The following CPED1 variants were observed in gnomAD, a reference collection of about 807,000 sequenced individuals.
CPED1 encodes the protein cadherin like and PC-esterase domain containing 1.
Under a neutral mutation model 128.2 loss-of-function variants are expected in CPED1, and 114 were observed. The ratio of observed to expected loss-of-function variants is 0.89; its 90% CI spans 0.76 to 1.04. CPED1 has a LOEUF of 1.04. CPED1 is among the 50% of genes least tolerant of loss of function. CPED1 has a pLI of 0.00. For synonymous variants in CPED1, 462 were observed against 426.7 expected (o/e 1.08, Z -1.02); for missense variants, 1,211 against 1,207.1 (o/e 1.00, Z -0.05).
At chr7:121,235,128 C>G (rs1798222665) in intron 16 of CPED1, among the ~76,000 whole-genome samples, 1 of 152,136 alleles carries the variant, frequency 6.6e-6, no homozygotes, top group Non-Finnish European at 1.5e-5. Flanking sequence ...AATCATGACA[C>G]TTTTTTCTGG....
intron 22 of CPED1, among the ~76,000 whole-genome samples, chr7:121,273,979 G>T (rs1218229059): frequency 6.6e-6 from 1 of 152,122 alleles, no homozygotes; most frequent in Non-Finnish European, 1.5e-5. Flanking sequence ...GCTTTTGAAA[G>T]ACAACATAGA....
chr7:121,085,086 T>C (rs760065836), intron 5 of CPED1, among the ~76,000 whole-genome samples: 15 of 152,154 alleles, frequency 9.9e-5, no homozygotes, highest in African/African-American at 1.7e-4. Flanking sequence ...CACCGTTTAC[T>C]CCACTTCTGC....
intron 4 of CPED1, among the ~76,000 whole-genome samples, chr7:121,057,485 G>A (rs1194087876): frequency 6.6e-6 from 1 of 152,090 alleles, no homozygotes; most frequent in African/African-American, 2.4e-5. Flanking sequence ...TTATGTCCAT[G>A]AGTACCCAGT....
intron 4 of CPED1, among the ~76,000 whole-genome samples, chr7:121,047,692 T>TCCTCC (rs1793242303): frequency 9.7e-6 from 1 of 102,902 alleles, no homozygotes; most frequent in African/African-American, 5.0e-5. Flanking sequence ...CTTCTTCTTC[T>TCCTCC]TCTTCTTCTT....
chr7:121,139,064 T>G (rs1290735473), intron 14 of CPED1, among the ~76,000 whole-genome samples: 1 of 152,078 alleles, frequency 6.6e-6, no homozygotes, highest in Non-Finnish European at 1.5e-5. Context: ...ATTTCTGCCT[T>G]CATTCTTTTT....
intron 14 of CPED1, among the ~76,000 whole-genome samples, chr7:121,140,432 T>C (rs13237456): frequency 1.3e-5 from 2 of 152,014 alleles, no homozygotes; most frequent in Non-Finnish European, 2.9e-5. Flanking sequence ...TCCTTGCGGG[T>C]CCTCTTCTGC....
At chr7:121,022,740 G>A (rs1368288922) in intron 3 of CPED1, among the ~76,000 whole-genome samples, 2 of 151,946 alleles carry the variant, frequency 1.3e-5, no homozygotes, top group African/African-American at 2.4e-5. Context: ...TTTGCTACTC[G>A]CAAACATACA....
At chr7:121,070,352 G>C (rs778328488) in intron 5 of CPED1, among the ~76,000 whole-genome samples, 1 of 151,854 alleles carries the variant, frequency 6.6e-6, no homozygotes, top group Non-Finnish European at 1.5e-5. Context: ...CTCAAATCCT[G>C]ATACCCCCTC....
intron 2 of CPED1, among the ~76,000 whole-genome samples, chr7:121,005,611 C>T (rs759355003): frequency 6.6e-6 from 1 of 151,980 alleles, no homozygotes; most frequent in Non-Finnish European, 1.5e-5. Flanking sequence ...AACAAACCTG[C>T]ACGTTCTGCA....
intron 22 of CPED1, among the ~76,000 whole-genome samples, chr7:121,283,788 C>A (rs988502568): frequency 6.6e-6 from 1 of 152,312 alleles, no homozygotes; most frequent in East Asian, 1.9e-4. Flanking sequence ...GTGACTGTCT[C>A]CCATGGTTCT....
At chr7:121,071,202 T>C (rs561942454) in intron 5 of CPED1, among the ~76,000 whole-genome samples, 69 of 152,138 alleles carry the variant, frequency 4.5e-4, no homozygotes, top group Non-Finnish European at 9.1e-4. Context: ...GAGACATCTC[T>C]CGGCAAGGTT....
chr7:121,048,551 T>C (rs905723030), intron 4 of CPED1, among the ~76,000 whole-genome samples: 3 of 152,122 alleles, frequency 2.0e-5, no homozygotes, highest in Non-Finnish European at 4.4e-5. Context: ...TTTTGTTTTG[T>C]TTTTTTGAGA....
rs138891217 is a variant in CPED1 at position 121,271,561 on chromosome 7, T to C, written c.2868+131T>C. The C allele has an allele frequency of 7.0e-4, 623 of 889,318 alleles. 5 individuals carry two copies. The African/African-American group carries it at 9.5e-3, about 14-fold the overall frequency. 55.1% of individuals were successfully genotyped at this position (889,318 alleles called of 1,614,324 possible). On this transcript the variant is annotated intron_variant, in intron 22 of 22. Transcript: ENST00000310396. Reference sequence around the variant, plus strand: ...TGTCAGGTGGAGATTAAATGATATATGTTCATCATCATTCAGCCAAGGCAT... The same window carrying C: ...TGTCAGGTGGAGATTAAATGATATACGTTCATCATCATTCAGCCAAGGCAT...
At chr7:121,011,754 A>G (rs1347463545) in intron 2 of CPED1, among the ~76,000 whole-genome samples, 1 of 152,218 alleles carries the variant, frequency 6.6e-6, no homozygotes, top group African/African-American at 2.4e-5. Flanking sequence ...ATATTTATGC[A>G]TTAAAACATA....
Position 121,130,230 on chromosome 7 carries a change from CT to C in CPED1, c.1517del (p.Leu506Ter). On this transcript the variant is annotated frameshift_variant, in exon 12 of 23. Coordinates refer to ENST00000310396, the MANE Select transcript of CPED1 (RefSeq NM_024913.5). LOFTEE classifies it high-confidence loss of function. ...CTCAGTCCTGACCCAATACTGGTCT[CT>C]TTTAAATGTATTTGAACAATTTCAG... ...PGSVLTQYWS[L>X]LNVFEQFQFM... The C allele has an allele frequency of 6.2e-7, 1 of 1,611,898 alleles. No homozygotes were observed. Among genetic ancestry groups the C allele is most frequent in the South Asian group, 1.1e-5 (1 of 90,764 alleles).
intron 2 of CPED1, among the ~76,000 whole-genome samples, chr7:121,012,976 C>T (rs996492218): frequency 1.3e-5 from 2 of 152,178 alleles, no homozygotes; most frequent in African/African-American, 4.8e-5. Context: ...TAAAATATCC[C>T]TTCCTTGTGT....
intron 15 of CPED1, 64 bp downstream of exon 15, chr7:121,141,077 C>A: frequency 7.5e-7 from 1 of 1,331,186 alleles, no homozygotes; most frequent in Non-Finnish European, 1.0e-6. Context: ...TTGATGCAAA[C>A]TTTGAAAGTG....
At chr7:121,156,979 G>A (rs1411544508) in intron 16 of CPED1, among the ~76,000 whole-genome samples, 1 of 152,174 alleles carries the variant, frequency 6.6e-6, no homozygotes, top group Non-Finnish European at 1.5e-5. Flanking sequence ...TGAATTGCTT[G>A]ATATGTATTG....
chr7:121,057,839 C>CG (rs1793539750), intron 4 of CPED1, among the ~76,000 whole-genome samples: 1 of 151,592 alleles, frequency 6.6e-6, no homozygotes, highest in Non-Finnish European at 1.5e-5. Context: ...TATGGGTAGA[C>CG]GGGGGAAAAT....
Sources: allele counts gnomAD v4.1 joint callset (sites outside exome capture counted in the v4.1 genomes callset), GRCh38; gene constraint gnomAD v4.1.1; transcripts MANE v1.5; gene names NCBI Gene and HGNC (gene_info 2026-07-23, HGNC 2026-07-21).